The following DLG2 variants were observed in gnomAD, a reference collection of about 807,000 sequenced individuals.
The protein encoded by DLG2 is discs large MAGUK scaffold protein 2.
DLG2 carries 45 observed loss-of-function variants against 132.5 expected under a neutral mutation model. That is an observed-to-expected ratio of 0.34 (90% CI 0.27 to 0.44). The LOEUF (loss-of-function observed/expected upper bound fraction) is 0.44. DLG2 is among the 20% of genes least tolerant of loss of function. The pLI is 1.00. For synonymous variants in DLG2, 424 were observed against 419.6 expected (o/e 1.01, Z -0.13); for missense variants, 1,045 against 1,196.9 (o/e 0.87, Z 1.87).
intron 3 of DLG2, among the ~76,000 whole-genome samples, chr11:85,300,026 C>T (rs1180493229): frequency 6.6e-6 from 1 of 152,004 alleles, no homozygotes; most frequent in Admixed American, 6.6e-5. Flanking sequence ...TCTTTCCCAC[C>T]TTTTATTCAT....
chr11:84,393,904 TAGAC>T (rs1217049981), intron 7 of DLG2, among the ~76,000 whole-genome samples: 1 of 152,168 alleles, frequency 6.6e-6, no homozygotes, highest in Non-Finnish European at 1.5e-5. Flanking sequence ...GTTGTTTGTT[TAGAC>T]AGAGTCTCAC....
chr11:84,020,320 T>C (rs138852051), intron 11 of DLG2, among the ~76,000 whole-genome samples: 1 of 152,280 alleles, frequency 6.6e-6, no homozygotes, highest in East Asian at 1.9e-4. Flanking sequence ...TTACGAAATA[T>C]ATATAGATAT....
chr11:84,919,230 G>A (rs2092642508), intron 6 of DLG2, among the ~76,000 whole-genome samples: 1 of 152,012 alleles, frequency 6.6e-6, no homozygotes, highest in South Asian at 2.1e-4. Context: ...TTTTTATAGG[G>A]TTCACATGCC....
intron 8 of DLG2, among the ~76,000 whole-genome samples, chr11:84,167,670 AT>A (rs56956119): frequency 0.077 from 11,386 of 148,008 alleles, 1,383 homozygotes; most frequent in African/African-American, 0.26. Flanking sequence ...AAAATGAATA[AT>A]TTTTTTTTTT....
At chr11:84,877,690 C>A (rs991317026) in intron 6 of DLG2, among the ~76,000 whole-genome samples, 1 of 151,624 alleles carries the variant, frequency 6.6e-6, no homozygotes, top group Non-Finnish European at 1.5e-5. Flanking sequence ...GCATTTAGCC[C>A]GTTTATATTT....
At chr11:84,797,640 G>C (rs1019602114) in intron 6 of DLG2, among the ~76,000 whole-genome samples, 9 of 152,118 alleles carry the variant, frequency 5.9e-5, no homozygotes, top group South Asian at 2.1e-4. Context: ...GTATTTTCTT[G>C]AATTAGATTG....
At chr11:84,151,769 AT>A (rs1181531181) in intron 9 of DLG2, among the ~76,000 whole-genome samples, 3 of 152,162 alleles carry the variant, frequency 2.0e-5, no homozygotes, top group Non-Finnish European at 1.5e-5. Flanking sequence ...ATTTCAAAGA[AT>A]TTTTTATTTC....
At chr11:85,550,637 G>A (rs2076611278) in intron 3 of DLG2, among the ~76,000 whole-genome samples, 1 of 152,152 alleles carries the variant, frequency 6.6e-6, no homozygotes, top group African/African-American at 2.4e-5. Flanking sequence ...CCCATGAAGG[G>A]GTCAGGGAAA....
chr11:84,900,255 T>C (rs1006321909), intron 6 of DLG2, among the ~76,000 whole-genome samples: 3 of 152,104 alleles, frequency 2.0e-5, no homozygotes, highest in African/African-American at 4.8e-5. Flanking sequence ...AGAACATAGA[T>C]GTGAATTTTA....
At chr11:84,627,145 A>C (rs1051369387) in intron 6 of DLG2, among the ~76,000 whole-genome samples, 4 of 152,122 alleles carry the variant, frequency 2.6e-5, no homozygotes, top group African/African-American at 9.7e-5. Context: ...TGCTGGGATT[A>C]CAGCATAAGC....
intron 6 of DLG2, among the ~76,000 whole-genome samples, chr11:85,108,813 AAAAT>A (rs2072239116): frequency 6.6e-6 from 1 of 152,070 alleles, no homozygotes; most frequent in Non-Finnish European, 1.5e-5. Flanking sequence ...AACCCTATCA[AAAAT>A]AAATAAAACA....
At chr11:85,097,169 A>C (rs1165303441) in intron 6 of DLG2, among the ~76,000 whole-genome samples, 1 of 152,120 alleles carries the variant, frequency 6.6e-6, no homozygotes, top group Non-Finnish European at 1.5e-5. Flanking sequence ...CCACTTCTAA[A>C]AACCACTTCC....
intron 4 of DLG2, among the ~76,000 whole-genome samples, chr11:85,219,789 T>C (rs796194029): frequency 4.0e-5 from 6 of 150,864 alleles, no homozygotes; most frequent in African/African-American, 1.5e-4. Flanking sequence ...ATTCACAGAT[T>C]TTTGGGTGGT....
intron 18 of DLG2, among the ~76,000 whole-genome samples, chr11:83,765,356 G>A (rs375120141): frequency 6.6e-6 from 1 of 152,194 alleles, no homozygotes; most frequent in Non-Finnish European, 1.5e-5. Flanking sequence ...CAGCAGATTT[G>A]TTCTGAAAAT....
intron 5 of DLG2, among the ~76,000 whole-genome samples, chr11:85,121,237 T>C (rs926036579): frequency 1.3e-5 from 2 of 152,018 alleles, no homozygotes; most frequent in Non-Finnish European, 1.5e-5. Flanking sequence ...AAAAAAATTA[T>C]ATTATTTCTC....
intron 7 of DLG2, among the ~76,000 whole-genome samples, chr11:84,398,484 G>GA (rs1241785989): frequency 6.6e-6 from 1 of 152,188 alleles, no homozygotes; most frequent in Non-Finnish European, 1.5e-5. Flanking sequence ...CTTGTACCCT[G>GA]AAAACTGGGT....
At chr11:84,357,005 T>C (rs1403355997) in intron 7 of DLG2, among the ~76,000 whole-genome samples, 2 of 151,834 alleles carry the variant, frequency 1.3e-5, no homozygotes, top group Non-Finnish European at 2.9e-5. Context: ...AGTTGCACGA[T>C]GAGAAATGAG....
intron 8 of DLG2, among the ~76,000 whole-genome samples, chr11:84,225,777 A>G (rs1301285555): frequency 6.6e-6 from 1 of 152,020 alleles, no homozygotes; most frequent in African/African-American, 2.4e-5. Context: ...AAATAAATAT[A>G]TAACATGAAA....
chr11:84,866,988 C>A (rs2084670341), intron 6 of DLG2, among the ~76,000 whole-genome samples: 1 of 152,172 alleles, frequency 6.6e-6, no homozygotes, highest in Non-Finnish European at 1.5e-5. Flanking sequence ...ACATTCATTA[C>A]ATAGTAGGTA....
Sources: allele counts gnomAD v4.1 joint callset (sites outside exome capture counted in the v4.1 genomes callset), GRCh38; gene constraint gnomAD v4.1.1; transcripts MANE v1.5; gene names NCBI Gene and HGNC (gene_info 2026-07-23, HGNC 2026-07-21).